Variants in HEMK2 observed in about 807,000 individuals in gnomAD.
HEMK2 encodes the protein HemK methyltransferase 2, ETF1 glutamine and histone H4 lysine.
chr21:28,682,810 C>A, the HEMK2 span, among the ~76,000 whole-genome samples: 3 of 151,992 alleles, frequency 2.0e-5, no homozygotes, highest in African/African-American at 7.2e-5. Context: ...GGACAAAAAA[C>A]CAAACACCGC....
the HEMK2 span, among the ~76,000 whole-genome samples, chr21:28,731,678 G>A: frequency 1.3e-5 from 2 of 151,344 alleles, no homozygotes; most frequent in East Asian, 1.9e-4. Flanking sequence ...AATGGGTGCC[G>A]CACACCAGCA....
At chr21:28,614,306 T>G in the HEMK2 span, among the ~76,000 whole-genome samples, 8 of 152,210 alleles carry the variant, frequency 5.3e-5, no homozygotes, top group Non-Finnish European at 8.8e-5. Context: ...GTGGGTTTTT[T>G]TTTAAGTTTC....
At chr21:28,597,722 C>T in the HEMK2 span, among the ~76,000 whole-genome samples, 2,712 of 152,160 alleles carry the variant, frequency 0.018, 108 homozygotes, top group African/African-American at 0.063. Context: ...GATGAGAGAC[C>T]TGATAAGGAT....
the HEMK2 span, among the ~76,000 whole-genome samples, chr21:28,629,146 G>A: frequency 6.6e-6 from 1 of 152,196 alleles, no homozygotes; most frequent in Non-Finnish European, 1.5e-5. Context: ...CATAATGTGA[G>A]AAACCATAGA....
At chr21:28,642,898 G>A in the HEMK2 span, among the ~76,000 whole-genome samples, 1 of 152,192 alleles carries the variant, frequency 6.6e-6, no homozygotes, top group Admixed American at 6.5e-5. Flanking sequence ...ATAAGCACAG[G>A]ATGGGGGCAA....
the HEMK2 span, among the ~76,000 whole-genome samples, chr21:28,696,640 A>G: frequency 6.6e-6 from 1 of 152,106 alleles, no homozygotes; most frequent in Non-Finnish European, 1.5e-5. Context: ...AGCTCCTCTA[A>G]GCAGTGTCCC....
chr21:28,779,112 G>C, the HEMK2 span, among the ~76,000 whole-genome samples: 1 of 152,144 alleles, frequency 6.6e-6, no homozygotes, highest in Non-Finnish European at 1.5e-5. Flanking sequence ...CTTCTGGATA[G>C]ATGTTCAAAG....
chr21:28,831,446 A>AAAAGAAAGAAAG, the HEMK2 span, among the ~76,000 whole-genome samples: 725 of 86,294 alleles, frequency 8.4e-3, 86 homozygotes, highest in African/African-American at 0.027. Flanking sequence ...CTCTATCTCA[A>AAAAGAAAGAAAG]AAAGAAAGAA....
chr21:28,879,007 T>C, the HEMK2 span, among the ~76,000 whole-genome samples: 10 of 148,294 alleles, frequency 6.7e-5, no homozygotes, highest in Non-Finnish European at 1.3e-4. Context: ...AATCTAATTA[T>C]ATTTTAGAAA....
the HEMK2 span, among the ~76,000 whole-genome samples, chr21:28,583,734 C>T: frequency 6.6e-6 from 1 of 152,114 alleles, no homozygotes; most frequent in Non-Finnish European, 1.5e-5. Context: ...AATTGTGCAG[C>T]ATTGCATGGT....
chr21:28,661,297 T>G, the HEMK2 span, among the ~76,000 whole-genome samples: 5 of 152,082 alleles, frequency 3.3e-5, no homozygotes, highest in Non-Finnish European at 7.4e-5. Context: ...CATAAATTTC[T>G]AATTGCACCT....
At chr21:28,644,530 C>T in the HEMK2 span, among the ~76,000 whole-genome samples, 32,165 of 152,056 alleles carry the variant, frequency 0.21, 3,712 homozygotes, top group East Asian at 0.38. Context: ...ACAATCAGCT[C>T]ATCTCAAGTT....
the HEMK2 span, among the ~76,000 whole-genome samples, chr21:28,576,368 G>T: frequency 7.2e-5 from 11 of 151,938 alleles, no homozygotes; most frequent in East Asian, 2.1e-3. Context: ...GAGTTTATTG[G>T]CCATTCATAA....
chr21:28,623,793 T>C, the HEMK2 span, among the ~76,000 whole-genome samples: 1 of 151,970 alleles, frequency 6.6e-6, no homozygotes, highest in Non-Finnish European at 1.5e-5. Context: ...TGAGAACACA[T>C]GGACACAGGG....
At chr21:28,820,302 G>A in the HEMK2 span, among the ~76,000 whole-genome samples, 2 of 152,090 alleles carry the variant, frequency 1.3e-5, no homozygotes, top group East Asian at 3.9e-4. Context: ...AACACAAGCT[G>A]AAGTTCCCTC....
At chr21:28,807,628 G>GCTGA in the HEMK2 span, among the ~76,000 whole-genome samples, 2 of 152,156 alleles carry the variant, frequency 1.3e-5, no homozygotes, top group African/African-American at 4.8e-5. Flanking sequence ...TGTGGCCTTG[G>GCTGA]CTGACATGGT....
the HEMK2 span, among the ~76,000 whole-genome samples, chr21:28,766,359 T>C: frequency 2.6e-5 from 4 of 151,892 alleles, no homozygotes; most frequent in Admixed American, 6.6e-5. Context: ...AAACAATAGA[T>C]ATTGGCATGG....
At chr21:28,669,459 C>T in the HEMK2 span, among the ~76,000 whole-genome samples, 1 of 152,148 alleles carries the variant, frequency 6.6e-6, no homozygotes. Context: ...GCAGTTCCTC[C>T]CACTGTTTCC....
chr21:28,839,642 T>C, the HEMK2 span, among the ~76,000 whole-genome samples: 3 of 151,596 alleles, frequency 2.0e-5, no homozygotes, highest in African/African-American at 7.3e-5. Flanking sequence ...AATAAAATAC[T>C]TAGGAATATA....
Sources: gnomAD v4.1 joint callset for allele counts (sites outside exome capture counted in the v4.1 genomes callset) on GRCh38, gnomAD v4.1.1 for gene constraint, MANE v1.5 for transcripts, NCBI Gene and HGNC (gene_info 2026-07-23, HGNC 2026-07-21) for gene names.